Variants in CSMD1 observed in about 807,000 individuals in gnomAD.
CSMD1 encodes CUB and sushi domain-containing protein 1.
Under a neutral mutation model 417.5 loss-of-function variants are expected in CSMD1, and 213 were observed. That is an observed-to-expected ratio of 0.51 (90% confidence interval 0.46 to 0.57). The LOEUF is 0.57. Ranked by LOEUF, CSMD1 falls within the 20% of genes least tolerant of loss-of-function variation. The pLI is 0.00. For missense variants in CSMD1, 6,923 were observed against 4,529.7 expected (o/e 1.53, Z -15.17); for synonymous variants, 2,862 against 1,736.8 (o/e 1.65, Z -16.11).
intron 7 of CSMD1, among the ~76,000 whole-genome samples, chr8:3,651,774 A>G (rs1262072025): frequency 6.6e-6 from 1 of 151,720 alleles, no homozygotes; most frequent in East Asian, 1.9e-4. Flanking sequence ...CAGAGCGCCT[A>G]CCACCATCAG....
At chr8:4,912,122 C>CAAAAAAAAA (rs36194482) in intron 1 of CSMD1, among the ~76,000 whole-genome samples, 5 of 84,546 alleles carry the variant, frequency 5.9e-5, no homozygotes, top group African/African-American at 1.2e-4. Context: ...AACATAGCTT[C>CAAAAAAAAA]AAAAAAAAAA....
intron 4 of CSMD1, among the ~76,000 whole-genome samples, chr8:4,022,056 T>C (rs1193276879): frequency 6.6e-6 from 1 of 150,626 alleles, no homozygotes; most frequent in Non-Finnish European, 1.5e-5. Context: ...TTCTTTAATA[T>C]ACAGATGAAT....
chr8:3,919,949 A>C (rs1563211649), intron 5 of CSMD1, among the ~76,000 whole-genome samples: 1 of 152,096 alleles, frequency 6.6e-6, no homozygotes, highest in Non-Finnish European at 1.5e-5. Flanking sequence ...CAGAAACACA[A>C]CTGAGTCTTG....
At chr8:3,449,735 C>G (rs1159279065) in intron 12 of CSMD1, among the ~76,000 whole-genome samples, 1 of 152,114 alleles carries the variant, frequency 6.6e-6, no homozygotes, top group Non-Finnish European at 1.5e-5. Context: ...TCAGGCCTGT[C>G]TCAAACTCTT....
At chr8:4,071,863 C>G (rs1799576159) in intron 3 of CSMD1, among the ~76,000 whole-genome samples, 1 of 152,128 alleles carries the variant, frequency 6.6e-6, no homozygotes, top group African/African-American at 2.4e-5. Flanking sequence ...CATGGAACTC[C>G]TCTGTCCTCA....
intron 5 of CSMD1, among the ~76,000 whole-genome samples, chr8:3,996,254 T>G (rs1321951305): frequency 6.6e-6 from 1 of 152,158 alleles, no homozygotes; most frequent in Non-Finnish European, 1.5e-5. Flanking sequence ...CTCTGGACTG[T>G]CCTAAAAATA....
chr8:3,673,647 A>C (rs1585054187), intron 7 of CSMD1, among the ~76,000 whole-genome samples: 1 of 152,336 alleles, frequency 6.6e-6, no homozygotes, highest in Non-Finnish European at 1.5e-5. Flanking sequence ...GGCAACTTAT[A>C]TATAAAGCAT....
intron 25 of CSMD1, among the ~76,000 whole-genome samples, chr8:3,297,781 C>A (rs1478405691): frequency 2.0e-5 from 3 of 152,034 alleles, no homozygotes; most frequent in East Asian, 1.9e-4. Flanking sequence ...CTAAAGCCAA[C>A]CTTAACAAAG....
chr8:2,978,917 A>C (rs780463586), intron 54 of CSMD1, 117 bp from the exon 55 acceptor site: 1 of 843,850 alleles, frequency 1.2e-6, no homozygotes, highest in Non-Finnish European at 1.8e-6. Flanking sequence ...TGACAACATG[A>C]TGGCTGAGGC....
intron 6 of CSMD1, among the ~76,000 whole-genome samples, chr8:3,746,729 C>A (rs545540293): frequency 1.3e-3 from 192 of 152,286 alleles, no homozygotes; most frequent in Non-Finnish European, 1.8e-3. Flanking sequence ...AAGTGTATTT[C>A]TCCTATCCTT....
chr8:3,366,533 T>C (rs1809576918), intron 20 of CSMD1, among the ~76,000 whole-genome samples: 1 of 152,194 alleles, frequency 6.6e-6, no homozygotes, highest in Non-Finnish European at 1.5e-5. Flanking sequence ...GAGTATTTTT[T>C]GTCATTGCAT....
At chr8:4,695,337 A>G (rs1408202553) in intron 1 of CSMD1, among the ~76,000 whole-genome samples, 1 of 151,992 alleles carries the variant, frequency 6.6e-6, no homozygotes, top group Non-Finnish European at 1.5e-5. Flanking sequence ...TTCAGCCTAC[A>G]TCCATGCTTG....
chr8:4,270,524 G>A (rs1336056187), intron 3 of CSMD1, among the ~76,000 whole-genome samples: 1 of 151,980 alleles, frequency 6.6e-6, no homozygotes, highest in African/African-American at 2.4e-5. Flanking sequence ...CCTCTCTTCT[G>A]ATATCCAGCT....
In CSMD1 at chr8:3,833,300, G is replaced by C. The variant is rs188665766; in HGVS notation, c.819-79258C>G. Among the ~76,000 whole-genome samples, 106 of 151,954 alleles carry C rather than the reference G, an allele frequency of 7.0e-4. 1 individual carries two copies. Among genetic ancestry groups the C allele is most frequent in the African/African-American group, 2.5e-3 (103 of 41,470 alleles). On this transcript the variant is annotated intron_variant, in intron 5 of 69. Coordinates refer to ENST00000635120, the MANE Select transcript of CSMD1 (RefSeq NM_033225.6). ...CAACACTGATATCTGTTTATTTTAT[G>C]TTTCAGATTTCTATTCGGAAAACAT...
At chr8:3,477,047 C>G (rs1009447574) in intron 11 of CSMD1, among the ~76,000 whole-genome samples, 1 of 152,006 alleles carries the variant, frequency 6.6e-6, no homozygotes, top group Non-Finnish European at 1.5e-5. Context: ...CTGGTGGTTA[C>G]ACAGATCTAT....
chr8:4,146,518 G>A (rs1359382699), intron 3 of CSMD1, among the ~76,000 whole-genome samples: 1 of 143,842 alleles, frequency 7.0e-6, no homozygotes, highest in Non-Finnish European at 1.5e-5. Flanking sequence ...TGCACAGTGT[G>A]TGTTCTCTGG....
At chr8:4,452,217 G>A (rs1013913455) in intron 2 of CSMD1, among the ~76,000 whole-genome samples, 2 of 152,076 alleles carry the variant, frequency 1.3e-5, no homozygotes, top group African/African-American at 4.8e-5. Flanking sequence ...CAGTTTGACT[G>A]CCTGAGACTG....
chr8:4,578,059 A>C (rs1415974344), intron 2 of CSMD1, among the ~76,000 whole-genome samples: 1 of 152,134 alleles, frequency 6.6e-6, no homozygotes, highest in Non-Finnish European at 1.5e-5. Context: ...TGTGTGTAAA[A>C]AGTTGACTGT....
intron 25 of CSMD1, among the ~76,000 whole-genome samples, chr8:3,304,237 T>A (rs912482808): frequency 1.3e-5 from 2 of 152,160 alleles, no homozygotes; most frequent in African/African-American, 4.8e-5. Context: ...TTCATATTTA[T>A]ATGACTGATG....
Sources: gnomAD v4.1 joint callset for allele counts (sites outside exome capture counted in the v4.1 genomes callset) on GRCh38, gnomAD v4.1.1 for gene constraint, MANE v1.5 for transcripts, NCBI Gene and HGNC (gene_info 2026-07-23, HGNC 2026-07-21) for gene names.